Variants in HPSE2 observed in about 807,000 individuals in gnomAD.
The protein encoded by HPSE2 is inactive heparanase-2.
A neutral mutation model predicts 60.5 loss-of-function variants in HPSE2; 38 were observed. The ratio of observed to expected loss-of-function variants is 0.63; its 90% CI spans 0.48 to 0.82. The LOEUF (loss-of-function observed/expected upper bound fraction) is 0.82, where lower values mean the gene tolerates loss of function less well. HPSE2 is among the 40% of genes least tolerant of loss of function. The pLI, the probability that HPSE2 is intolerant of heterozygous loss-of-function variation, is 0.00. For synonymous variants in HPSE2, 295 were observed against 293.2 expected, an observed-to-expected ratio of 1.01 and a Z score of -0.06; for missense variants, 713 against 740.4, an observed-to-expected ratio of 0.96 and a Z score of 0.43.
intron 9 of HPSE2, among the ~76,000 whole-genome samples, chr10:98,515,844 A>G (rs972710357): frequency 6.6e-6 from 1 of 152,182 alleles, no homozygotes; most frequent in African/African-American, 2.4e-5. Context: ...TGTGTTTCTA[A>G]CTGCCTTTTC....
intron 3 of HPSE2, among the ~76,000 whole-genome samples, chr10:99,124,419 A>G (rs962016322): frequency 1.3e-5 from 2 of 152,186 alleles, no homozygotes; most frequent in African/African-American, 4.8e-5. Flanking sequence ...CTTTCTGCCC[A>G]GAAGCCTGTC....
At chr10:98,807,824 T>C (rs1951076415) in intron 3 of HPSE2, among the ~76,000 whole-genome samples, 1 of 152,234 alleles carries the variant, frequency 6.6e-6, no homozygotes, top group Non-Finnish European at 1.5e-5. Context: ...ATAAGCTCCA[T>C]AGCCTAAGTG....
At chr10:98,599,840 AG>A (rs1945348193) in intron 9 of HPSE2, among the ~76,000 whole-genome samples, 1 of 152,216 alleles carries the variant, frequency 6.6e-6, no homozygotes. Flanking sequence ...ATGTTTCCAC[AG>A]GGAGACAAGC....
chr10:98,849,266 CAG>C (rs1488118608), intron 3 of HPSE2, among the ~76,000 whole-genome samples: 12 of 152,330 alleles, frequency 7.9e-5, no homozygotes, highest in African/African-American at 2.2e-4. Context: ...GTGTAATTGA[CAG>C]AGAGGTACTT....
intron 4 of HPSE2, among the ~76,000 whole-genome samples, chr10:98,725,113 T>G (rs1288603109): frequency 1.3e-5 from 2 of 152,190 alleles, no homozygotes; most frequent in Non-Finnish European, 2.9e-5. Flanking sequence ...ACCAATGACT[T>G]TCTTCACAGA....
intron 5 of HPSE2, among the ~76,000 whole-genome samples, chr10:98,698,376 G>A (rs1721764550): frequency 6.6e-6 from 1 of 151,374 alleles, no homozygotes; most frequent in South Asian, 2.1e-4. Context: ...TGAACAACCT[G>A]CTCCTGAATG....
At chr10:98,550,335 G>C (rs898164598) in intron 9 of HPSE2, among the ~76,000 whole-genome samples, 1 of 150,378 alleles carries the variant, frequency 6.6e-6, no homozygotes, top group Non-Finnish European at 1.5e-5. Context: ...ACCCAGGTTT[G>C]AGTGCAGTGG....
intron 3 of HPSE2, among the ~76,000 whole-genome samples, chr10:99,115,356 G>C (rs756259919): frequency 6.6e-6 from 1 of 151,992 alleles, no homozygotes; most frequent in Admixed American, 6.5e-5. Flanking sequence ...GGGTTTCACC[G>C]TGTTAGCCAG....
intron 9 of HPSE2, among the ~76,000 whole-genome samples, chr10:98,601,587 G>A (rs1359118344): frequency 2.0e-5 from 3 of 152,216 alleles, no homozygotes; most frequent in Admixed American, 2.0e-4. Flanking sequence ...AGTAGTTTCT[G>A]CAGCTACTTA....
intron 3 of HPSE2, among the ~76,000 whole-genome samples, chr10:98,816,953 G>A (rs1331388369): frequency 6.6e-6 from 1 of 151,934 alleles, no homozygotes; most frequent in East Asian, 1.9e-4. Context: ...TAGTGGACTG[G>A]CTTCTTTGGA....
chr10:99,144,135 A>G (rs1845964681), intron 3 of HPSE2, 103 bp downstream of exon 3: 3 of 1,149,596 alleles, frequency 2.6e-6, no homozygotes, highest in Admixed American at 1.8e-5. Context: ...AGTCATCACA[A>G]TTTAAAAAGT....
rs1591232861 is a variant in HPSE2 at position 98,475,159 on chromosome 10, C to T, written c.1613+7477G>A. Among the ~76,000 whole-genome samples, 4 of 150,768 alleles carry T rather than the reference C, an allele frequency of 2.7e-5. No homozygotes were observed. The South Asian group carries it at 8.4e-4, about 32-fold the overall frequency. ...TTGAGACGGAGTCTCGCTCTGTCGC[C>T]CAGGCTGAAGTGCAGTGGCACGGTC... On this transcript the variant is annotated intron_variant, in intron 11 of 11. Transcript: ENST00000370552.
At chr10:98,883,672 C>A (rs1036535135) in intron 3 of HPSE2, among the ~76,000 whole-genome samples, 1 of 151,986 alleles carries the variant, frequency 6.6e-6, no homozygotes, top group Non-Finnish European at 1.5e-5. Flanking sequence ...GGCATAATGA[C>A]ATGTGCTTGT....
At chr10:98,975,634 G>T (rs1036238592) in intron 3 of HPSE2, among the ~76,000 whole-genome samples, 1 of 152,148 alleles carries the variant, frequency 6.6e-6, no homozygotes, top group African/African-American at 2.4e-5. Flanking sequence ...ATAAGCATAT[G>T]TAATTTATTC....
chr10:99,269,817 C>T, the HPSE2 span, among the ~76,000 whole-genome samples: 11 of 152,078 alleles, frequency 7.2e-5, no homozygotes, highest in African/African-American at 2.4e-4. Context: ...AAATCAACTC[C>T]GAAAGGAACC....
rs564716517 is a variant in HPSE2 at position 98,542,102 on chromosome 10, A to C, written c.1321-51906T>G. Among the ~76,000 whole-genome samples, 514 of 151,486 alleles carry C rather than the reference A, an allele frequency of 3.4e-3. 1 individual carries two copies. Among genetic ancestry groups the C allele is most frequent in the Middle Eastern group, 0.01 (3 of 290 alleles). On this transcript the variant is annotated intron_variant, in intron 9 of 11. Transcript: ENST00000370552. Reference sequence around the variant, plus strand: ...CCAGTAGGGGCAGACTGACACCTCAAACGGCCAGGTACTCCTCTGAGACAA... The same window carrying C: ...CCAGTAGGGGCAGACTGACACCTCACACGGCCAGGTACTCCTCTGAGACAA...
chr10:98,543,248 A>G (rs1473528428), intron 9 of HPSE2, among the ~76,000 whole-genome samples: 3 of 152,212 alleles, frequency 2.0e-5, no homozygotes, highest in African/African-American at 7.2e-5. Flanking sequence ...AGTGAAGGAG[A>G]AATAAAATAC....
intron 9 of HPSE2, among the ~76,000 whole-genome samples, chr10:98,506,470 G>C (rs574015390): frequency 6.6e-6 from 1 of 151,810 alleles, no homozygotes; most frequent in African/African-American, 2.4e-5. Context: ...TTTGAGACAA[G>C]GTCTTGCTTT....
At chr10:98,841,670 C>T (rs893092095) in intron 3 of HPSE2, among the ~76,000 whole-genome samples, 1 of 152,132 alleles carries the variant, frequency 6.6e-6, no homozygotes, top group Non-Finnish European at 1.5e-5. Flanking sequence ...TGAGTATATT[C>T]TCCGTGAAGA....
Sources: allele counts gnomAD v4.1 joint callset (sites outside exome capture counted in the v4.1 genomes callset), GRCh38; gene constraint gnomAD v4.1.1; transcripts MANE v1.5; gene names NCBI Gene and HGNC (gene_info 2026-07-23, HGNC 2026-07-21).